SH2D4B: variants seen among roughly 807,000 people sequenced by gnomAD.
The protein encoded by SH2D4B is SH2 domain-containing protein 4B.
Under a neutral mutation model 61.5 loss-of-function variants are expected in SH2D4B, and 45 were observed. The ratio of observed to expected loss-of-function variants is 0.73; its 90% CI spans 0.58 to 0.94. The LOEUF is 0.94. Ranked by LOEUF, SH2D4B falls within the 40% of genes least tolerant of loss-of-function variation. SH2D4B has a pLI of 0.00. For synonymous variants in SH2D4B, 224 were observed against 220.4 expected (o/e 1.02, Z -0.14); for missense variants, 572 against 574.2 (o/e 1.00, Z 0.04).
intron 4 of SH2D4B, among the ~76,000 whole-genome samples, chr10:80,592,691 T>C (rs543502434): frequency 2.0e-5 from 3 of 152,014 alleles, no homozygotes; most frequent in Non-Finnish European, 4.4e-5. Flanking sequence ...AATATGTCTG[T>C]TTCTGTACTC....
intron 6 of SH2D4B, among the ~76,000 whole-genome samples, chr10:80,631,575 A>G (rs1345411859): frequency 6.6e-6 from 1 of 152,250 alleles, no homozygotes; most frequent in Non-Finnish European, 1.5e-5. Flanking sequence ...TAACAGTTGA[A>G]TGGATAAAGA....
rs1295529248 is a variant in SH2D4B at position 80,542,395 on chromosome 10, TATC to T, written c.184+3881_184+3883del. Among the ~76,000 whole-genome samples, 289 of 119,994 alleles carry T rather than the reference TATC, an allele frequency of 2.4e-3. 2 individuals are homozygous for T. The highest frequency in any genetic ancestry group is 9.5e-3 in the African/African-American group (185 of 19,414). The allele number at this position is 119,994 out of a possible 152,430, so 78.7% of individuals were successfully genotyped here. A position where few individuals can be genotyped will look rare whatever the true frequency, so the allele number is the denominator to read the frequency against. On this transcript the variant is annotated intron_variant, in intron 1 of 7. Coordinates refer to ENST00000646907, the MANE Select transcript of SH2D4B (RefSeq NM_001388272.1). ...CTTCCCTGTTTGGACCTGTCAGTTC[TATC>T]TTTTTTTTTTTTTTTTTCAGACAGA...
intron 7 of SH2D4B, among the ~76,000 whole-genome samples, chr10:80,637,610 G>T (rs1840207063): frequency 6.6e-6 from 1 of 152,196 alleles, no homozygotes; most frequent in African/African-American, 2.4e-5. Flanking sequence ...GTATAGGAAT[G>T]CTTGTGATTT....
intron 6 of SH2D4B, among the ~76,000 whole-genome samples, chr10:80,611,286 C>A (rs578241039): frequency 2.0e-5 from 3 of 151,410 alleles, no homozygotes; most frequent in Non-Finnish European, 4.4e-5. Flanking sequence ...GAAACTGACA[C>A]GTCAAGTTGT....
intron 1 of SH2D4B, among the ~76,000 whole-genome samples, chr10:80,565,444 T>C (rs919530623): frequency 3.3e-5 from 5 of 151,614 alleles, no homozygotes; most frequent in Non-Finnish European, 7.4e-5. Flanking sequence ...CAGGCTGGAG[T>C]GAGTGCAGTG....
intron 1 of SH2D4B, among the ~76,000 whole-genome samples, chr10:80,569,664 G>A (rs1455923611): frequency 6.6e-6 from 1 of 151,566 alleles, no homozygotes; most frequent in Non-Finnish European, 1.5e-5. Context: ...ACATGACATC[G>A]TTACTTGTGT....
chr10:80,572,993 T>G (rs1406389408), intron 3 of SH2D4B, among the ~76,000 whole-genome samples: 3 of 44,428 alleles, frequency 6.8e-5, no homozygotes, highest in African/African-American at 2.4e-4. Context: ...TATATTTTTT[T>G]TTTTTTTTTT....
At chr10:80,550,673 G>A (rs1395266604) in intron 1 of SH2D4B, among the ~76,000 whole-genome samples, 4 of 152,198 alleles carry the variant, frequency 2.6e-5, no homozygotes, top group Admixed American at 2.6e-4. Context: ...ATCAATGGTT[G>A]TAAGTACATC....
chr10:80,581,248 C>G (rs1842181898), intron 3 of SH2D4B, among the ~76,000 whole-genome samples: 1 of 152,128 alleles, frequency 6.6e-6, no homozygotes, highest in Admixed American at 6.5e-5. Flanking sequence ...TCCTTTTAGT[C>G]ACAGCCAGTT....
intron 1 of SH2D4B, among the ~76,000 whole-genome samples, chr10:80,550,541 C>T (rs1441153248): frequency 6.6e-6 from 1 of 152,034 alleles, no homozygotes; most frequent in South Asian, 2.1e-4. Context: ...TTGCAGTGAG[C>T]CCATATCGCG....
chr10:80,554,563 A>G (rs892905158), intron 1 of SH2D4B, among the ~76,000 whole-genome samples: 1 of 152,162 alleles, frequency 6.6e-6, no homozygotes, highest in Non-Finnish European at 1.5e-5. Flanking sequence ...AAACTCAAGC[A>G]GCATTTCTAT....
intron 1 of SH2D4B, among the ~76,000 whole-genome samples, chr10:80,540,118 A>C (rs754097388): frequency 5.3e-5 from 8 of 152,246 alleles, no homozygotes; most frequent in Admixed American, 5.2e-4. Context: ...TGTATAAATT[A>C]TACATTAAAC....
intron 5 of SH2D4B, 49 bp downstream of exon 5, chr10:80,603,844 A>AG (rs1564781034): frequency 2.6e-6 from 4 of 1,539,732 alleles, no homozygotes; most frequent in Non-Finnish European, 3.5e-6. Context: ...GCCTTGGATT[A>AG]GGGCATGGGA....
At chr10:80,574,159 T>A (rs1212648261) in intron 3 of SH2D4B, among the ~76,000 whole-genome samples, 1 of 152,198 alleles carries the variant, frequency 6.6e-6, no homozygotes, top group Non-Finnish European at 1.5e-5. Flanking sequence ...TTATTTGAGA[T>A]AGGGTCTCAC....
In SH2D4B at chr10:80,645,753, G is replaced by A. The variant is rs775510132; in HGVS notation, c.*1668G>A. ...CTCATAAGCTTTTGCCACAGGCTCT[G>A]TCTTTTGGGGAATCCAGGATAAGAA... On this transcript the variant is annotated 3_prime_UTR_variant, in exon 8 of 8. Coordinates refer to ENST00000646907, the MANE Select transcript of SH2D4B (RefSeq NM_001388272.1). 2.6e-5 allele frequency: 4 copies of A among 152,158 alleles called. No homozygotes were observed. The highest frequency in any genetic ancestry group is 4.4e-5 in the Non-Finnish European group (3 of 68,044). The allele number at this position is 152,158 out of a possible 1,614,324, so 9.4% of individuals were successfully genotyped here.
intron 6 of SH2D4B, among the ~76,000 whole-genome samples, chr10:80,612,654 G>A (rs1356153529): frequency 1.3e-5 from 2 of 152,220 alleles, no homozygotes; most frequent in Non-Finnish European, 2.9e-5. Context: ...ATGTCAAAGG[G>A]TGTGGCAACA....
chr10:80,638,180 C>A (rs1264857788), intron 7 of SH2D4B, among the ~76,000 whole-genome samples: 1 of 152,090 alleles, frequency 6.6e-6, no homozygotes, highest in Non-Finnish European at 1.5e-5. Flanking sequence ...CTGCTGGATT[C>A]AGTTTGCCAG....
intron 6 of SH2D4B, among the ~76,000 whole-genome samples, chr10:80,626,147 A>C (rs1842765292): frequency 6.8e-6 from 1 of 147,546 alleles, no homozygotes; most frequent in Non-Finnish European, 1.5e-5. Flanking sequence ...TTTTCTATCC[A>C]GGATAATTTT....
At chr10:80,543,123 C>T (rs76262927) in intron 1 of SH2D4B, among the ~76,000 whole-genome samples, 21,124 of 152,128 alleles carry the variant, frequency 0.14, 1,579 homozygotes, top group African/African-American at 0.18. Flanking sequence ...AGCCCTCTCT[C>T]GCTCTCGGTG....
Sources: gnomAD v4.1 joint callset for allele counts (sites outside exome capture counted in the v4.1 genomes callset) on GRCh38, gnomAD v4.1.1 for gene constraint, MANE v1.5 for transcripts, NCBI Gene and HGNC (gene_info 2026-07-23, HGNC 2026-07-21) for gene names.